The following VAT1L variants were observed in gnomAD, a reference collection of about 807,000 sequenced individuals.
VAT1L encodes putative NADPH-dependent quinone oxidoreductase VAT1L.
Under a neutral mutation model 44.1 loss-of-function variants are expected in VAT1L, and 34 were observed. That is an observed-to-expected ratio of 0.77 (90% CI 0.59 to 1.03). The LOEUF (loss-of-function observed/expected upper bound fraction) is 1.03. VAT1L is among the 50% of genes least tolerant of loss of function. The probability of loss-of-function intolerance (pLI) is 0.00; values close to 1 mark genes in which losing one functional copy is unlikely to be tolerated. For synonymous variants in VAT1L, 253 were observed against 202.2 expected, an observed-to-expected ratio of 1.25 and a Z score of -2.13; for missense variants, 615 against 538.8, an observed-to-expected ratio of 1.14 and a Z score of -1.40.
intron 1 of VAT1L, among the ~76,000 whole-genome samples, chr16:77,805,865 C>CTTTTTT (rs10689119): frequency 0.02 from 1,596 of 78,794 alleles, 272 homozygotes; most frequent in African/African-American, 0.034. Flanking sequence ...TAGTCTCTGC[C>CTTTTTT]TTTTTTTTTT....
chr16:77,923,318 C>T (rs753789185), intron 7 of VAT1L, among the ~76,000 whole-genome samples: 76 of 152,044 alleles, frequency 5.0e-4, no homozygotes, highest in Non-Finnish European at 8.8e-4. Flanking sequence ...GGCATGGTGC[C>T]GCGCACCTGT....
intron 4 of VAT1L, among the ~76,000 whole-genome samples, chr16:77,871,364 G>A (rs1307730622): frequency 6.6e-6 from 1 of 152,106 alleles, no homozygotes; most frequent in Non-Finnish European, 1.5e-5. Context: ...GCATGGACGG[G>A]GGCAGGTGGC....
At chr16:77,824,103 T>C (rs1255969164) in intron 2 of VAT1L, among the ~76,000 whole-genome samples, 1 of 152,222 alleles carries the variant, frequency 6.6e-6, no homozygotes, top group Non-Finnish European at 1.5e-5. Flanking sequence ...TTCCTCATGT[T>C]TGGCTATGGG....
At chr16:77,957,068 A>T (rs34202503) in intron 7 of VAT1L, among the ~76,000 whole-genome samples, 33,458 of 152,148 alleles carry the variant, frequency 0.22, 3,981 homozygotes, top group East Asian at 0.45. Context: ...AATAAGGGAA[A>T]AAATCACAAT....
At chr16:77,831,982 A>AT (rs151275500) in intron 3 of VAT1L, among the ~76,000 whole-genome samples, 7,184 of 125,900 alleles carry the variant, frequency 0.057, 731 homozygotes, top group African/African-American at 0.2. Flanking sequence ...TGCCCGGCTA[A>AT]TTTTTTTTTT....
chr16:77,812,122 C>T (rs2016275747), intron 1 of VAT1L, among the ~76,000 whole-genome samples: 1 of 151,420 alleles, frequency 6.6e-6, no homozygotes, highest in African/African-American at 2.4e-5. Flanking sequence ...CGCTCTGCCA[C>T]CCAGGCTGGA....
At chr16:77,924,875 G>C (rs1050593009) in intron 7 of VAT1L, among the ~76,000 whole-genome samples, 1 of 152,074 alleles carries the variant, frequency 6.6e-6, no homozygotes, top group African/African-American at 2.4e-5. Context: ...CTAAGCCCTG[G>C]GTAGAGAGAT....
intron 4 of VAT1L, among the ~76,000 whole-genome samples, chr16:77,876,132 G>C (rs573672951): frequency 2.6e-5 from 4 of 152,294 alleles, no homozygotes; most frequent in Admixed American, 2.6e-4. Context: ...GGCCCAGGCT[G>C]GTTCCCAGTG....
At chr16:77,941,305 G>A (rs1053471137) in intron 7 of VAT1L, among the ~76,000 whole-genome samples, 1 of 152,102 alleles carries the variant, frequency 6.6e-6, no homozygotes, top group Non-Finnish European at 1.5e-5. Flanking sequence ...TCTACCTTTA[G>A]AATCTCCTGC....
chr16:77,822,615 G>A (rs1381451590), intron 2 of VAT1L, among the ~76,000 whole-genome samples: 2 of 152,278 alleles, frequency 1.3e-5, no homozygotes, highest in East Asian at 3.9e-4. Flanking sequence ...TCCCTCTCCA[G>A]CAGTCCTGGG....
intron 1 of VAT1L, among the ~76,000 whole-genome samples, chr16:77,815,925 A>G: frequency 6.7e-6 from 1 of 149,646 alleles, no homozygotes; most frequent in Non-Finnish European, 1.5e-5. Context: ...CTGAGATCTC[A>G]CCATTGCACT....
chr16:77,938,114 T>C (rs1028286104), intron 7 of VAT1L, among the ~76,000 whole-genome samples: 1 of 152,222 alleles, frequency 6.6e-6, no homozygotes, highest in Non-Finnish European at 1.5e-5. Context: ...GACCAGTTCC[T>C]GAGCTCCACT....
intron 3 of VAT1L, among the ~76,000 whole-genome samples, chr16:77,829,210 C>T (rs1820981190): frequency 6.6e-6 from 1 of 152,166 alleles, no homozygotes. Context: ...CTACCCAGTG[C>T]TCAGCATAGA....
At chr16:77,805,807 A>G (rs2016145620) in intron 1 of VAT1L, among the ~76,000 whole-genome samples, 1 of 146,470 alleles carries the variant, frequency 6.8e-6, no homozygotes, top group African/African-American at 2.5e-5. Context: ...CAGTTTACCA[A>G]TCCTGCATGT....
intron 3 of VAT1L, among the ~76,000 whole-genome samples, chr16:77,847,095 A>G (rs1597064509): frequency 6.6e-6 from 1 of 152,332 alleles, no homozygotes; most frequent in Middle Eastern, 3.4e-3. Context: ...TGCAAAATGC[A>G]GCATTTCATT....
chr16:77,933,958 G>C (rs2017762719), intron 7 of VAT1L, among the ~76,000 whole-genome samples: 1 of 152,148 alleles, frequency 6.6e-6, no homozygotes, highest in South Asian at 2.1e-4. Context: ...GGAGTGCTTT[G>C]GGCGATGGAA....
intron 7 of VAT1L, among the ~76,000 whole-genome samples, chr16:77,913,412 C>T (rs1597095963): frequency 1.3e-5 from 2 of 152,184 alleles, no homozygotes; most frequent in East Asian, 3.9e-4. Flanking sequence ...CCTGCCCCCA[C>T]ATTCTACCAA....
intron 1 of VAT1L, among the ~76,000 whole-genome samples, chr16:77,791,341 C>G (rs1315521952): frequency 6.6e-6 from 1 of 152,054 alleles, no homozygotes; most frequent in Admixed American, 6.5e-5. Flanking sequence ...AAAGCATAGT[C>G]CATTTGAACC....
rs550870394 is a variant in VAT1L at position 77,865,131 on chromosome 16, A to G, written c.722+2241A>G. 1.8e-3 allele frequency among the ~76,000 whole-genome samples: 275 copies of G among 151,212 alleles called. 1 individual carries two copies. Among genetic ancestry groups the G allele is most frequent in the African/African-American group, 6.5e-3 (268 of 41,208 alleles). On this transcript the variant is annotated intron_variant, in intron 4 of 8. Transcript: ENST00000302536. ...TGGGACTACAGGCACCCACCACCAC[A>G]CCTGGCTAATTTTTTGTATTTTTAG... is the stretch of plus-strand genomic sequence containing the variant.
Sources: gnomAD v4.1 joint callset for allele counts (sites outside exome capture counted in the v4.1 genomes callset) on GRCh38, gnomAD v4.1.1 for gene constraint, MANE v1.5 for transcripts, NCBI Gene and HGNC (gene_info 2026-07-23, HGNC 2026-07-21) for gene names.